Variants in MORC3 observed in about 807,000 individuals in gnomAD.
MORC3 encodes MORC family CW-type zinc finger protein 3.
In MORC3, 31 loss-of-function variants were observed where a neutral mutation model predicts 109.1. The observed-to-expected ratio is 0.28, with a 90% CI of 0.21 to 0.38. MORC3 has a LOEUF of 0.38. MORC3 is among the 10% of genes least tolerant of loss of function. The probability of loss-of-function intolerance (pLI) is 1.00; values close to 1 mark genes in which losing one functional copy is unlikely to be tolerated. For synonymous variants in MORC3, 395 were observed against 380.7 expected (o/e 1.04, Z -0.44); for missense variants, 867 against 1,135.8 (o/e 0.76, Z 3.40).
At chr21:36,322,765 A>G (rs1211816829) in intron 1 of MORC3, among the ~76,000 whole-genome samples, 1 of 151,732 alleles carries the variant, frequency 6.6e-6, no homozygotes, top group Non-Finnish European at 1.5e-5. Flanking sequence ...TTTGCTTTTT[A>G]CCCCTGTAAT....
At position 36,369,143 on chromosome 21, in the gene MORC3, A is replaced by G; in HGVS notation, c.1775A>G (p.His592Arg). The G allele has an allele frequency of 1.2e-6, 2 of 1,614,172 alleles. No homozygotes were observed. Among genetic ancestry groups the G allele is most frequent in the East Asian group, 4.5e-5 (2 of 44,888 alleles). ...AGTACCCCCAAACCTGCAGTAGATC[A>G]TGATATTGACATGAAATCAGAACAG... ...ENSTPKPAVD[H>R]DIDMKSEQSH... Residue 592 changes from histidine (H) to arginine (R), a missense_variant, in exon 15 of 17, where the codon CAT (histidine) becomes CGT (arginine). His to Arg is a conservative substitution (Grantham distance 29). Around this residue, in one of 7 missense-constraint regions of MORC3, gnomAD observed 486 missense variants for 502.1 expected, o/e 0.97. Transcript: ENST00000400485.
chr21:36,369,905 T>C (rs1394138664), intron 15 of MORC3, 29 bp downstream of exon 15: 2 of 1,598,004 alleles, frequency 1.3e-6, no homozygotes, highest in Admixed American at 3.3e-5. Context: ...CATGTAGTCA[T>C]GGAGTCCAGG....
chr21:36,330,387 A>G (rs2085301621), intron 1 of MORC3, among the ~76,000 whole-genome samples: 1 of 152,162 alleles, frequency 6.6e-6, no homozygotes, highest in Non-Finnish European at 1.5e-5. Context: ...CCTTAGACAA[A>G]CTCAACCAAT....
intron 5 of MORC3, among the ~76,000 whole-genome samples, chr21:36,339,858 CCTT>C (rs1338686642): frequency 6.6e-6 from 1 of 152,200 alleles, no homozygotes; most frequent in Non-Finnish European, 1.5e-5. Flanking sequence ...CCCTACCCCT[CCTT>C]CTCCTGGAGG....
intron 9 of MORC3, among the ~76,000 whole-genome samples, chr21:36,353,747 A>ATTTTTT (rs1569101617): frequency 3.4e-4 from 22 of 65,512 alleles, no homozygotes; most frequent in African/African-American, 1.9e-3. Context: ...AGCCCGGCTA[A>ATTTTTT]TTTTTGTATT....
intron 10 of MORC3, 42 bp from the exon 11 acceptor site, chr21:36,359,913 T>C (rs756605103): frequency 1.2e-6 from 2 of 1,608,812 alleles, no homozygotes; most frequent in Admixed American, 3.3e-5. Flanking sequence ...GTATTTAGAG[T>C]CCATATTTCT....
chr21:36,325,594 C>T (rs1007258265), intron 1 of MORC3, among the ~76,000 whole-genome samples: 3 of 152,184 alleles, frequency 2.0e-5, no homozygotes, highest in Admixed American at 6.5e-5. Flanking sequence ...ACCCTGTTCC[C>T]GTTAAATAGT....
At position 36,335,937 on chromosome 21, in the gene MORC3, A is replaced by T. The variant is rs114283431; in HGVS notation, c.113-937A>T. On this transcript the variant is annotated intron_variant, in intron 2 of 16. Coordinates refer to ENST00000400485, the MANE Select transcript of MORC3 (RefSeq NM_015358.3). ...CTCTCTCTTTTTTTCTTTTTTTTCC[A>T]TTTTTGAGACGGAGTCTCGCTCTTG... Among the ~76,000 whole-genome samples the T allele has an allele frequency of 6.3e-3, 945 of 149,420 alleles. 10 individuals are homozygous for T. The highest frequency in any genetic ancestry group is 0.022 in the African/African-American group (910 of 40,564).
intron 5 of MORC3, 51 bp from the exon 6 acceptor site, chr21:36,341,348 T>G (rs746485390): frequency 6.6e-7 from 1 of 1,524,038 alleles, no homozygotes; most frequent in Admixed American, 1.9e-5. Context: ...TTTGCTGGCT[T>G]ATCTTGCTGT....
chr21:36,353,499 G>C (rs1313430968), intron 9 of MORC3, among the ~76,000 whole-genome samples: 1 of 151,772 alleles, frequency 6.6e-6, no homozygotes, highest in African/African-American at 2.4e-5. Context: ...CCAGCACTTT[G>C]GGAGGCTGAT....
chr21:36,324,121 C>G (rs984703583), intron 1 of MORC3, among the ~76,000 whole-genome samples: 1 of 152,078 alleles, frequency 6.6e-6, no homozygotes, highest in African/African-American at 2.4e-5. Flanking sequence ...GTAATCTGCC[C>G]GCCCTGGCCT....
Position 36,364,217 on chromosome 21 carries a change from A to C in MORC3, c.1577A>C (p.Asn526Thr), listed in dbSNP as rs369966004. ...GTNSYATRLL[N>T]NHQVPPQSEP... ...AATTCTTATGCGACAAGACTTCTAA[A>C]TAATCATCAAGTTCCACCTCAGTCT... is the stretch of plus-strand genomic sequence containing the variant. Residue 526 changes from asparagine (N) to threonine (T), a missense_variant, in exon 14 of 17, where the codon AAT becomes ACT. Transcript: ENST00000400485. 5.0e-6 allele frequency: 8 copies of C among 1,614,068 alleles called. No homozygotes were observed. The African/African-American group carries it at 1.1e-4, about 22-fold the overall frequency.
chr21:36,341,773 T>C (rs2085449808), intron 6 of MORC3, among the ~76,000 whole-genome samples: 1 of 152,186 alleles, frequency 6.6e-6, no homozygotes, highest in Admixed American at 6.6e-5. Context: ...GGTTGATTTA[T>C]TTGTTTGGAA....
At position 36,358,839 on chromosome 21, in the gene MORC3, A is replaced by G. The variant is rs150093940; in HGVS notation, c.1209-1116A>G. ...GGACTACAGGAACCCGCCATCACGC[A>G]TGGCTTATTTTTTGTATTTTTAGTA... On this transcript the variant is annotated intron_variant, in intron 10 of 16. Coordinates refer to ENST00000400485, the MANE Select transcript of MORC3 (RefSeq NM_015358.3). Among the ~76,000 whole-genome samples the G allele has an allele frequency of 1.6e-3, 237 of 151,934 alleles. 1 individual carries two copies. Among genetic ancestry groups the G allele is most frequent in the African/African-American group, 5.5e-3 (226 of 41,436 alleles).
rs369921814 is a variant in MORC3 at position 36,344,692 on chromosome 21, T to G, written c.870T>G (p.Tyr290Ter). Residue 290 changes from tyrosine (Y) to a stop codon, truncating the protein, a stop_gained, in exon 7 of 17, where the codon TAT becomes TAG. Transcript: ENST00000400485. LOFTEE classifies it high-confidence loss of function. ...TTGCCTACATCGAACGTGATGTTTA[T>G]CGACCAAAATTTTTAGTATCCTTTT... ...KSLAYIERDV[Y>*]RPKFLSKTVR... The G allele has an allele frequency of 6.2e-7, 1 of 1,613,494 alleles. No homozygotes were observed. The highest frequency in any genetic ancestry group is 1.3e-5 in the African/African-American group (1 of 74,884).
In MORC3 at chr21:36,369,816, T is replaced by C. The variant is rs373007142; in HGVS notation, c.2448T>C (p.Leu816=). 1.2e-6 allele frequency: 2 copies of C among 1,613,960 alleles called. No individual in the cohort carries two copies. Among genetic ancestry groups the C allele is most frequent in the Non-Finnish European group, 1.7e-6 (2 of 1,180,044 alleles). ...AAATGGATGAGATGGCTGTGCAGCT[T>C]GACGATGTGTTTAGACAACTGGACA... is the stretch of plus-strand genomic sequence containing the variant. ...KSEMDEMAVQ[L]DDVFRQLDKC... The change falls in exon 15 of 17, where the codon CTT becomes CTC. Residue 816 remains leucine (L), a synonymous_variant. Coordinates refer to ENST00000400485, the MANE Select transcript of MORC3 (RefSeq NM_015358.3).
chr21:36,375,204 C>G lies in MORC3; in HGVS notation c.2728C>G (p.Leu910Val). ...ACTGCTGGCTATGATTGTGCCTGATCTTGATCTTCAGCAAGTGAATTACGA... is the reference window on the plus strand; with the variant it reads ...ACTGCTGGCTATGATTGTGCCTGATGTTGATCTTCAGCAAGTGAATTACGA... ...GQLLAMIVPDLDLQQVNYDVD... is the reference protein window; with the variant it reads ...GQLLAMIVPDVDLQQVNYDVD... The change falls in exon 17 of 17, where the codon CTT becomes GTT. Residue 910 changes from leucine to valine, a missense_variant. By Grantham distance (32) the Leu-to-Val change is conservative. Coordinates refer to ENST00000400485, the MANE Select transcript of MORC3 (RefSeq NM_015358.3). 5 of 1,613,942 alleles carry G rather than the reference C, an allele frequency of 3.1e-6. No homozygotes were observed. Among genetic ancestry groups the G allele is most frequent in the Non-Finnish European group, 4.2e-6 (5 of 1,179,898 alleles).
rs1016672923 is a variant in MORC3 at position 36,346,650 on chromosome 21, A to T, written c.1005+1619A>T. Among the ~76,000 whole-genome samples, 5 of 152,002 alleles carry T rather than the reference A, an allele frequency of 3.3e-5. No individual in the cohort carries two copies. The East Asian group carries it at 7.7e-4, about 24-fold the overall frequency. On this transcript the variant is annotated intron_variant, in intron 8 of 16. Transcript: ENST00000400485. ...GGGGCAAAACCCTGTCTGTACAAAA[A>T]AATACAAAAATTAGCTGGGCCTGGT...
At position 36,344,969 on chromosome 21, in the gene MORC3, A is replaced by T. The variant is rs1333099813; in HGVS notation, c.943A>T (p.Ile315Leu). ...FNCRNKDHYGIMMYHRNRLIK... is the reference protein window; with the variant it reads ...FNCRNKDHYGLMMYHRNRLIK... Reference sequence around the variant, plus strand: ...CTGCAGAAATAAAGATCATTATGGGATAATGATGTATCACAGAAATAGACT... The same window carrying T: ...CTGCAGAAATAAAGATCATTATGGGTTAATGATGTATCACAGAAATAGACT... Residue 315 changes from isoleucine to leucine, a missense_variant, in exon 8 of 17, where the codon ATA becomes TTA. Physicochemically the swap from Ile to Leu is conservative, Grantham distance 5. This residue lies in a region of MORC3 where 120 missense variants were observed against 259.7 expected (regional missense o/e 0.46). Coordinates refer to ENST00000400485, the MANE Select transcript of MORC3 (RefSeq NM_015358.3). 1 of 1,612,164 alleles carries T rather than the reference A, an allele frequency of 6.2e-7. No homozygotes were observed. The highest frequency in any genetic ancestry group is 8.5e-7 in the Non-Finnish European group (1 of 1,178,922).
Sources: gnomAD v4.1 joint callset for allele counts (sites outside exome capture counted in the v4.1 genomes callset) on GRCh38, gnomAD v4.1.1 for gene constraint, gnomAD v4.1.1 regional missense constraint, MANE v1.5 for transcripts, NCBI Gene and HGNC (gene_info 2026-07-23, HGNC 2026-07-21) for gene names.